Variants in KREMEN1 observed in about 807,000 individuals in gnomAD.
KREMEN1 encodes the protein kringle containing transmembrane protein 1, also known as kremen protein 1.
A neutral mutation model predicts 46.5 loss-of-function variants in KREMEN1; 30 were observed. That is an observed-to-expected ratio of 0.65 (90% CI 0.48 to 0.88). The LOEUF is 0.88. KREMEN1 is among the 40% of genes least tolerant of loss of function. KREMEN1 has a pLI of 0.00. For missense variants in KREMEN1, 533 were observed against 596.9 expected (o/e 0.89, Z 1.11); for synonymous variants, 214 against 230.6 (o/e 0.93, Z 0.65).
chr22:29,145,299 C>T lies in KREMEN1; in HGVS notation c.*3187C>T. ...AGAGGGTAACCCTGGGAAAGTCAGT[C>T]AGAACCCATGGCAGAAGACTGCAGG... On this transcript the variant is annotated 3_prime_UTR_variant, in exon 9 of 9. Transcript: ENST00000400335. 5 of 985,684 alleles carry T rather than the reference C, an allele frequency of 5.1e-6. No homozygotes were observed. Among genetic ancestry groups the T allele is most frequent in the Non-Finnish European group, 4.8e-6 (4 of 830,106 alleles). 61.1% of individuals were successfully genotyped at this position (985,684 alleles called of 1,614,324 possible). A position where few individuals can be genotyped will look rare whatever the true frequency, so the allele number is the denominator to read the frequency against.
chr22:29,099,574 CAG>C (rs2037942695), intron 3 of KREMEN1: 2 of 90,496 alleles, frequency 2.2e-5, no homozygotes, highest in South Asian at 7.2e-4. Context: ...TTTTTTGTGA[CAG>C]AGTCTGGCTC....
chr22:29,131,554 ATATATATGTGTGTG>A (rs1175127596), intron 5 of KREMEN1, among the ~76,000 whole-genome samples: 17 of 73,224 alleles, frequency 2.3e-4, no homozygotes, highest in South Asian at 1.3e-3. Context: ...ATATATATAT[ATATATATGTGTGTG>A]TGTGTGTGTG....
chr22:29,080,830 TA>T (rs2037641604), intron 1 of KREMEN1, among the ~76,000 whole-genome samples: 1 of 151,976 alleles, frequency 6.6e-6, no homozygotes, highest in Admixed American at 6.6e-5. Flanking sequence ...ATGCTGCTGC[TA>T]AACATCCTAG....
intron 1 of KREMEN1, 78 bp from the exon 2 acceptor site, chr22:29,094,180 A>C: frequency 3.8e-6 from 5 of 1,317,194 alleles, no homozygotes; most frequent in Non-Finnish European, 5.3e-6. Context: ...TCCAAACAAA[A>C]CAAAACATCA....
chr22:29,092,932 A>G (rs980611014), intron 1 of KREMEN1, among the ~76,000 whole-genome samples: 7 of 152,152 alleles, frequency 4.6e-5, no homozygotes, highest in African/African-American at 1.7e-4. Context: ...CCAAGATTGC[A>G]ACACTGCACT....
intron 4 of KREMEN1, among the ~76,000 whole-genome samples, chr22:29,124,695 G>T (rs1025112572): frequency 1.3e-5 from 2 of 152,036 alleles, no homozygotes; most frequent in Non-Finnish European, 2.9e-5. Context: ...GTTTCACTTT[G>T]TTGGCCAGAC....
chr22:29,138,628 C>T lies in KREMEN1; in HGVS notation c.969C>T (p.Val323=). The change falls in exon 7 of 9, where the codon GTC becomes GTT. Residue 323 remains valine, a synonymous_variant. Coordinates refer to ENST00000400335, the MANE Select transcript of KREMEN1 (RefSeq NM_001039570.3). ...AQGFAVLYQA[V]KEELPQERPA... ...TAATTGCTTTTTCTCTTCCAGCCGT[C>T]AAGGAAGAACTGCCACAGGAGAGGC... is the stretch of plus-strand genomic sequence containing the variant. 1 of 1,614,186 alleles carries T rather than the reference C, an allele frequency of 6.2e-7. No individual in the cohort carries two copies. Among genetic ancestry groups the T allele is most frequent in the Non-Finnish European group, 8.5e-7 (1 of 1,180,012 alleles).
In KREMEN1 at chr22:29,125,282, G is replaced by A. The variant is rs201894409; in HGVS notation, c.497G>A (p.Gly166Asp). 4.3e-6 allele frequency: 7 copies of A among 1,614,052 alleles called. No individual in the cohort carries two copies. Among genetic ancestry groups the A allele is most frequent in the Non-Finnish European group, 5.9e-6 (7 of 1,180,030 alleles). The change falls in exon 5 of 9, where the codon GGC becomes GAC. Residue 166 changes from glycine to aspartate, a missense_variant. Transcript: ENST00000400335. ...TGGCAGTTTGCTGGGATGGAGTCAG[G>A]CTATGCTTGCTTCTGTGGAAACAAT... ...QRFKFAGMES[G>D]YACFCGNNPD...
chr22:29,110,652 TG>T (rs543333520), intron 3 of KREMEN1, among the ~76,000 whole-genome samples: 2 of 152,300 alleles, frequency 1.3e-5, no homozygotes, highest in South Asian at 4.1e-4. Flanking sequence ...CTTATTTATT[TG>T]GGGGTGTTGC....
intron 3 of KREMEN1, among the ~76,000 whole-genome samples, chr22:29,118,535 T>G (rs1408076634): frequency 1.3e-5 from 2 of 152,172 alleles, no homozygotes; most frequent in African/African-American, 4.8e-5. Flanking sequence ...GGTGACTCAG[T>G]GCCTGGTGAG....
At chr22:29,131,401 T>C (rs1425094024) in intron 5 of KREMEN1, among the ~76,000 whole-genome samples, 1 of 151,002 alleles carries the variant, frequency 6.6e-6, no homozygotes, top group Non-Finnish European at 1.5e-5. Flanking sequence ...ATTTGACAAA[T>C]ATATAAGCAA....
intron 2 of KREMEN1, among the ~76,000 whole-genome samples, chr22:29,097,560 C>T (rs1285291493): frequency 2.0e-5 from 3 of 152,152 alleles, no homozygotes; most frequent in Non-Finnish European, 4.4e-5. Context: ...ATGTGAGCCT[C>T]GTCCTGGTGA....
At position 29,145,010 on chromosome 22, in the gene KREMEN1, A is replaced by C. The variant is rs926344375; in HGVS notation, c.*2898A>C. On this transcript the variant is annotated 3_prime_UTR_variant, in exon 9 of 9. Coordinates refer to ENST00000400335, the MANE Select transcript of KREMEN1 (RefSeq NM_001039570.3). ...GGGAAACCCAAATCTGGCTCAGGAC[A>C]GCGTACGGGCAGGAGGGCTGTAAAT... 6 of 985,440 alleles carry C rather than the reference A, an allele frequency of 6.1e-6. No homozygotes were observed. The highest frequency in any genetic ancestry group is 6.0e-6 in the Non-Finnish European group (5 of 830,022). 61.0% of individuals were successfully genotyped at this position (985,440 alleles called of 1,614,324 possible). A position where few individuals can be genotyped will look rare whatever the true frequency, so the allele number is the denominator to read the frequency against.
Position 29,144,174 on chromosome 22 carries a change from C to A in KREMEN1, c.*2062C>A. On this transcript the variant is annotated 3_prime_UTR_variant, in exon 9 of 9. Transcript: ENST00000400335. ...CTCTGGCTTTGGCGTTTCCTCTTTG[C>A]AGCACTTTGCCTACCTCCCCCAAGC... is the stretch of plus-strand genomic sequence containing the variant. 1.0e-6 allele frequency: 1 copy of A among 985,690 alleles called. No homozygotes were observed. Among genetic ancestry groups the A allele is most frequent in the Non-Finnish European group, 1.2e-6 (1 of 830,108 alleles). 61.1% of individuals were successfully genotyped at this position (985,690 alleles called of 1,614,324 possible). A position where few individuals can be genotyped will look rare whatever the true frequency, so the allele number is the denominator to read the frequency against.
In KREMEN1 at chr22:29,155,779, C is replaced by T. The variant is rs1046260209; in HGVS notation, c.1417-11265C>T. ...TTTGAGATCAGCCTGGTCAACATGG[C>T]GAAACCCCGTCTCTACTAAAAATAC... On this transcript the variant is annotated intron_variant, in intron 9 of 9. Transcript: ENST00000327813. 4.0e-5 allele frequency among the ~76,000 whole-genome samples: 6 copies of T among 151,770 alleles called. No homozygotes were observed. The South Asian group carries it at 8.3e-4, about 21-fold the overall frequency.
intron 1 of KREMEN1, among the ~76,000 whole-genome samples, chr22:29,087,517 G>A (rs1405803807): frequency 6.6e-6 from 1 of 152,076 alleles, no homozygotes; most frequent in Non-Finnish European, 1.5e-5. Context: ...CCAAAGATTA[G>A]GATGTCTTTT....
chr22:29,150,265 G>A (rs542325665), downstream of KREMEN1, among the ~76,000 whole-genome samples: 4 of 152,124 alleles, frequency 2.6e-5, no homozygotes, highest in South Asian at 4.1e-4. Flanking sequence ...GAACCAGTCT[G>A]TGCAGGACGC....
chr22:29,144,971 C>A lies in KREMEN1; in HGVS notation c.*2859C>A. 2 of 985,536 alleles carry A rather than the reference C, an allele frequency of 2.0e-6. No individual in the cohort carries two copies. The highest frequency in any genetic ancestry group is 2.4e-6 in the Non-Finnish European group (2 of 830,020). The allele number at this position is 985,536 out of a possible 1,614,324, so 61.0% of individuals were successfully genotyped here. A position where few individuals can be genotyped will look rare whatever the true frequency, so the allele number is the denominator to read the frequency against. Reference sequence around the variant, plus strand: ...GCGCCTCTAGGATCAACTTACGATCCGTGGAGCAGCCCCGGGAAACCCAAA... The same window carrying A: ...GCGCCTCTAGGATCAACTTACGATCAGTGGAGCAGCCCCGGGAAACCCAAA... On this transcript the variant is annotated 3_prime_UTR_variant, in exon 9 of 9. Transcript: ENST00000400335.
Position 29,146,030 on chromosome 22 carries a change from T to C in KREMEN1, c.*3918T>C, listed in dbSNP as rs2038853882. The C allele has an allele frequency of 1.0e-6, 1 of 985,886 alleles. No individual in the cohort carries two copies. Among genetic ancestry groups the C allele is most frequent in the Non-Finnish European group, 1.2e-6 (1 of 829,998 alleles). 61.1% of individuals were successfully genotyped at this position (985,886 alleles called of 1,614,324 possible). Reference sequence around the variant, plus strand: ...TGCACGCTTACTCTTCACAAGCACTTATACGCGGATGGCCTCCGAGACCCT... The same window carrying C: ...TGCACGCTTACTCTTCACAAGCACTCATACGCGGATGGCCTCCGAGACCCT... On this transcript the variant is annotated 3_prime_UTR_variant, in exon 9 of 9. Coordinates refer to ENST00000400335, the MANE Select transcript of KREMEN1 (RefSeq NM_001039570.3).
Sources: gnomAD v4.1 joint callset for allele counts (sites outside exome capture counted in the v4.1 genomes callset) on GRCh38, gnomAD v4.1.1 for gene constraint, MANE v1.5 for transcripts, NCBI Gene and HGNC (gene_info 2026-07-23, HGNC 2026-07-21) for gene names.